The following ALK variants were observed in gnomAD, a reference collection of about 807,000 sequenced individuals.
ALK encodes ALK tyrosine kinase receptor.
A neutral mutation model predicts 163.1 loss-of-function variants in ALK; 74 were observed. The observed-to-expected ratio is 0.45, with a 90% CI of 0.38 to 0.55. The LOEUF (loss-of-function observed/expected upper bound fraction) is 0.55, where lower values mean the gene tolerates loss of function less well. Among genes scored for constraint, ALK ranks in the 20% least tolerant of loss-of-function variants. The pLI is 0.00. For missense variants in ALK, 2,063 were observed against 2,105.3 expected, an observed-to-expected ratio of 0.98 and a Z score of 0.39; for synonymous variants, 960 against 843.2, an observed-to-expected ratio of 1.14 and a Z score of -2.40.
intron 1 of ALK, among the ~76,000 whole-genome samples, chr2:29,900,730 C>A (rs1026520809): frequency 6.6e-6 from 1 of 152,180 alleles, no homozygotes; most frequent in African/African-American, 2.4e-5. Context: ...AGATGAAGGA[C>A]TTGACGCTCT....
chr2:29,859,392 C>T (rs145206625), intron 1 of ALK, among the ~76,000 whole-genome samples: 68 of 152,256 alleles, frequency 4.5e-4, no homozygotes, highest in Non-Finnish European at 7.9e-4. Context: ...ACAAGTGGCA[C>T]GTGTAAAGAA....
At chr2:29,680,071 T>A (rs1678016430) in intron 3 of ALK, among the ~76,000 whole-genome samples, 1 of 152,076 alleles carries the variant, frequency 6.6e-6, no homozygotes, top group South Asian at 2.1e-4. Flanking sequence ...CATTTCAATA[T>A]TCCCTGTACA....
At chr2:29,707,020 TG>T in intron 2 of ALK, among the ~76,000 whole-genome samples, 1 of 148,324 alleles carries the variant, frequency 6.7e-6, no homozygotes, top group East Asian at 2.0e-4. Flanking sequence ...TGTGTGTGTG[TG>T]TGTGTGTGTT....
chr2:29,531,493 C>T (rs1673118524), intron 4 of ALK, among the ~76,000 whole-genome samples: 1 of 152,148 alleles, frequency 6.6e-6, no homozygotes. Flanking sequence ...CCCATAGAAC[C>T]CGCTTGGATG....
intron 4 of ALK, among the ~76,000 whole-genome samples, chr2:29,519,873 A>C (rs1443863890): frequency 6.6e-6 from 1 of 152,230 alleles, no homozygotes; most frequent in African/African-American, 2.4e-5. Flanking sequence ...ACAGAGAAAC[A>C]AAATCATGGA....
chr2:29,660,720 GC>G, intron 3 of ALK, among the ~76,000 whole-genome samples: 1 of 151,916 alleles, frequency 6.6e-6, no homozygotes. Context: ...GTAGAGGCAA[GC>G]AGACAGGCAG....
intron 20 of ALK, 100 bp downstream of exon 20, chr2:29,223,242 T>C (rs2148170294): frequency 7.4e-7 from 1 of 1,351,680 alleles, no homozygotes; most frequent in Non-Finnish European, 1.0e-6. Flanking sequence ...TAGGGAGGGC[T>C]CTGCCGGCCT....
chr2:29,762,474 G>A (rs1680735453), intron 1 of ALK, among the ~76,000 whole-genome samples: 1 of 152,212 alleles, frequency 6.6e-6, no homozygotes. Context: ...CTCCCCGTGA[G>A]TATATATTGT....
At chr2:29,376,062 G>C (rs932613621) in intron 5 of ALK, among the ~76,000 whole-genome samples, 2 of 151,824 alleles carry the variant, frequency 1.3e-5, no homozygotes, top group Non-Finnish European at 2.9e-5. Flanking sequence ...CCCTCTGGCC[G>C]GAAAGATGTC....
At chr2:29,292,899 G>A (rs1431160684) in intron 9 of ALK, among the ~76,000 whole-genome samples, 1 of 152,078 alleles carries the variant, frequency 6.6e-6, no homozygotes. Context: ...GAGCCTTCCC[G>A]AGGACTACTG....
intron 4 of ALK, among the ~76,000 whole-genome samples, chr2:29,418,153 C>G (rs555859965): frequency 6.6e-6 from 1 of 152,252 alleles, no homozygotes; most frequent in South Asian, 2.1e-4. Flanking sequence ...CCAACAAGAG[C>G]TAGATTTCCC....
intron 1 of ALK, among the ~76,000 whole-genome samples, chr2:29,746,068 G>A (rs1680200193): frequency 6.6e-6 from 1 of 152,102 alleles, no homozygotes; most frequent in South Asian, 2.1e-4. Context: ...ACAACCCTGT[G>A]ACATAGGTAT....
intron 1 of ALK, among the ~76,000 whole-genome samples, chr2:29,758,918 T>G (rs1411161852): frequency 2.0e-5 from 3 of 152,124 alleles, no homozygotes; most frequent in Non-Finnish European, 4.4e-5. Flanking sequence ...CTTTATAGGG[T>G]CGGTGTTTCC....
At chr2:29,433,937 C>T (rs554454449) in intron 4 of ALK, among the ~76,000 whole-genome samples, 5 of 152,120 alleles carry the variant, frequency 3.3e-5, no homozygotes, top group South Asian at 2.1e-4. Context: ...CTCTTAGGCC[C>T]GGCTTAATGG....
chr2:29,512,401 T>G (rs1006184595), intron 4 of ALK, among the ~76,000 whole-genome samples: 34 of 148,698 alleles, frequency 2.3e-4, no homozygotes, highest in Non-Finnish European at 4.0e-4. Context: ...AAAAACCACA[T>G]GATTATCTCA....
intron 11 of ALK, among the ~76,000 whole-genome samples, chr2:29,260,240 G>A (rs1380253786): frequency 6.6e-6 from 1 of 151,778 alleles, no homozygotes; most frequent in African/African-American, 2.4e-5. Context: ...AATGACTTAC[G>A]TTATTTTTCA....
intron 1 of ALK, among the ~76,000 whole-genome samples, chr2:29,769,547 G>A (rs908959057): frequency 1.1e-4 from 16 of 152,092 alleles, no homozygotes; most frequent in African/African-American, 3.6e-4. Flanking sequence ...CCTAGCCCCA[G>A]GCCTGGCTCG....
chr2:29,495,204 C>A lies in ALK; in HGVS notation c.1154+36711G>T, dbSNP rs537921253. On this transcript the variant is annotated intron_variant, in intron 4 of 28. Coordinates refer to ENST00000389048, the MANE Select transcript of ALK (RefSeq NM_004304.5). ...CCCAGCTCTGCTCCCTGCTCCTTCC[C>A]TGCCTGCTTCGTGCTGCAGGAGGCT... 1.8e-4 allele frequency among the ~76,000 whole-genome samples: 27 copies of A among 152,294 alleles called. No individual in the cohort carries two copies. The South Asian group carries it at 3.9e-3, about 22-fold the overall frequency.
At chr2:29,332,918 C>G (rs904117679) in intron 5 of ALK, among the ~76,000 whole-genome samples, 3 of 152,196 alleles carry the variant, frequency 2.0e-5, no homozygotes, top group Admixed American at 2.0e-4. Flanking sequence ...TTTAAAGGCT[C>G]TTAATACAGA....
Sources: allele counts gnomAD v4.1 joint callset (sites outside exome capture counted in the v4.1 genomes callset), GRCh38; gene constraint gnomAD v4.1.1; transcripts MANE v1.5; gene names NCBI Gene and HGNC (gene_info 2026-07-23, HGNC 2026-07-21).